CEP112: variants seen among roughly 807,000 people sequenced by gnomAD.
CEP112 encodes the protein centrosomal protein 112.
Under a neutral mutation model 153.0 loss-of-function variants are expected in CEP112, and 127 were observed. The ratio of observed to expected loss-of-function variants is 0.83; its 90% CI spans 0.72 to 0.96. The LOEUF is 0.96. Ranked by LOEUF, CEP112 falls within the 40% of genes least tolerant of loss-of-function variation. The pLI is 0.00. For missense variants in CEP112, 1,089 were observed against 1,101.2 expected (o/e 0.99, Z 0.16); for synonymous variants, 358 against 374.4 (o/e 0.96, Z 0.51).
intron 19 of CEP112, among the ~76,000 whole-genome samples, chr17:65,904,309 T>C (rs992266663): frequency 2.6e-5 from 4 of 151,962 alleles, no homozygotes; most frequent in East Asian, 1.9e-4. Flanking sequence ...ACACCAATAA[T>C]AGACAAACAG....
chr17:65,985,953 A>G (rs1344980284), intron 17 of CEP112, among the ~76,000 whole-genome samples: 1 of 152,050 alleles, frequency 6.6e-6, no homozygotes, highest in Non-Finnish European at 1.5e-5. Context: ...ACAGCAAATC[A>G]CGATAATTTA....
At chr17:65,727,077 C>A (rs563327221) in intron 23 of CEP112, among the ~76,000 whole-genome samples, 33 of 152,330 alleles carry the variant, frequency 2.2e-4, no homozygotes, top group African/African-American at 7.9e-4. Flanking sequence ...CTGCCCTCCA[C>A]AGAGGCCACA....
chr17:65,785,924 T>A lies in CEP112; in HGVS notation c.2395-35200A>T, dbSNP rs575890744. On this transcript the variant is annotated intron_variant, in intron 21 of 26. Transcript: ENST00000535342. ...CAGCACTATTTGTTGAATTTCCATA[T>A]AAATTTCAGGATCAGTGTGTCAATT... Among the ~76,000 whole-genome samples, 1,264 of 152,310 alleles carry A rather than the reference T, an allele frequency of 8.3e-3. 14 individuals carry two copies. Among genetic ancestry groups the A allele is most frequent in the South Asian group, 0.02 (97 of 4,822 alleles).
At position 65,743,124 on chromosome 17, in the gene CEP112, G is replaced by A. The variant is rs1338831450; in HGVS notation, c.2551C>T (p.Gln851Ter). The A allele has an allele frequency of 1.2e-6, 2 of 1,612,260 alleles. No homozygotes were observed. The highest frequency in any genetic ancestry group is 2.2e-5 in the East Asian group (1 of 44,846). Residue 851 changes from glutamine to a stop codon, truncating the protein, a stop_gained, in exon 23 of 27, where the codon CAA becomes TAA. Transcript: ENST00000535342. LOFTEE classifies it high-confidence loss of function. ...AAERRLQDVR[Q>*]KFEDEKKQLI... ...TGCTTCTTCTCATCTTCAAACTTTT[G>A]TCTAACATCCTGGAGCCGCCTTTCT... is the stretch of plus-strand genomic sequence containing the variant.
chr17:65,837,245 C>T (rs1216716703), intron 21 of CEP112, among the ~76,000 whole-genome samples: 3 of 152,082 alleles, frequency 2.0e-5, no homozygotes, highest in East Asian at 3.9e-4. Context: ...AAGTGAGGAG[C>T]GTCTCTGCCT....
chr17:65,862,543 G>A (rs574960002), intron 20 of CEP112, among the ~76,000 whole-genome samples: 72 of 152,220 alleles, frequency 4.7e-4, no homozygotes, highest in African/African-American at 1.6e-3. Flanking sequence ...AGCCGAGATC[G>A]TGCCACTGAC....
intron 12 of CEP112, among the ~76,000 whole-genome samples, chr17:66,053,377 G>C (rs1471935927): frequency 1.3e-5 from 2 of 151,916 alleles, no homozygotes; most frequent in Non-Finnish European, 2.9e-5. Context: ...GCGGGCACCT[G>C]TAATCCCAGC....
At chr17:65,771,778 G>A (rs2053370396) in intron 21 of CEP112, among the ~76,000 whole-genome samples, 1 of 152,140 alleles carries the variant, frequency 6.6e-6, no homozygotes, top group African/African-American at 2.4e-5. Context: ...GCTTTGGGAG[G>A]CCAAGGCAGG....
chr17:65,948,426 G>A (rs117255773), intron 18 of CEP112, among the ~76,000 whole-genome samples: 175 of 152,180 alleles, frequency 1.1e-3, no homozygotes, highest in Non-Finnish European at 1.8e-3. Flanking sequence ...GTTAGCTGAC[G>A]TTCATATTGC....
intron 23 of CEP112, among the ~76,000 whole-genome samples, chr17:65,742,171 T>C (rs888743642): frequency 6.6e-6 from 1 of 152,134 alleles, no homozygotes; most frequent in Non-Finnish European, 1.5e-5. Context: ...TTACTCAGAT[T>C]GCCTGCAACA....
intron 23 of CEP112, among the ~76,000 whole-genome samples, chr17:65,710,314 C>T (rs1248077269): frequency 1.3e-5 from 2 of 152,194 alleles, no homozygotes; most frequent in African/African-American, 2.4e-5. Flanking sequence ...CTTTATTGGA[C>T]TTCATGGCAG....
chr17:65,893,044 C>A (rs1247344467), intron 20 of CEP112, among the ~76,000 whole-genome samples: 1 of 152,032 alleles, frequency 6.6e-6, no homozygotes, highest in Non-Finnish European at 1.5e-5. Context: ...TAAAGACCTG[C>A]GACTTTCAGG....
chr17:65,860,166 T>C lies in CEP112; in HGVS notation c.2164-8132A>G, dbSNP rs1186360222. On this transcript the variant is annotated intron_variant, in intron 20 of 26. Transcript: ENST00000535342. ...ATGTTCAAAAAGCAACTGCAGTTTTTATACATCAGCAAAAAAATTATAAAC... is the reference window on the plus strand; with the variant it reads ...ATGTTCAAAAAGCAACTGCAGTTTTCATACATCAGCAAAAAAATTATAAAC... Among the ~76,000 whole-genome samples the C allele has an allele frequency of 2.0e-5, 3 of 152,108 alleles. No homozygotes were observed. In the East Asian group the frequency reaches 5.8e-4, roughly 29 times the overall value.
At chr17:65,690,941 G>A (rs540458232) in intron 23 of CEP112, among the ~76,000 whole-genome samples, 20 of 152,288 alleles carry the variant, frequency 1.3e-4, no homozygotes, top group Non-Finnish European at 2.1e-4. Flanking sequence ...TGAGGGGCAA[G>A]GCAGAGGCAG....
intron 21 of CEP112, among the ~76,000 whole-genome samples, chr17:65,783,908 T>G (rs1334692375): frequency 1.3e-5 from 2 of 152,226 alleles, no homozygotes; most frequent in African/African-American, 4.8e-5. Context: ...GTTAACAGCA[T>G]GGGCTATGAA....
intron 20 of CEP112, among the ~76,000 whole-genome samples, chr17:65,892,787 A>G (rs1279248764): frequency 6.6e-6 from 1 of 152,192 alleles, no homozygotes; most frequent in Non-Finnish European, 1.5e-5. Context: ...GTGCCTGTCA[A>G]TGTCACTATA....
intron 24 of CEP112, among the ~76,000 whole-genome samples, chr17:65,642,334 T>C (rs2045189153): frequency 6.6e-6 from 1 of 152,230 alleles, no homozygotes. Flanking sequence ...TGTGTACGAC[T>C]GAGTTGAGTT....
intron 23 of CEP112, among the ~76,000 whole-genome samples, chr17:65,737,381 A>G (rs2050864565): frequency 6.6e-6 from 1 of 152,158 alleles, no homozygotes; most frequent in Admixed American, 6.6e-5. Context: ...AGAATTTTCA[A>G]TACTATCACC....
intron 17 of CEP112, among the ~76,000 whole-genome samples, chr17:65,994,521 G>A (rs1429622184): frequency 1.3e-5 from 2 of 152,094 alleles, no homozygotes; most frequent in Admixed American, 1.3e-4. Flanking sequence ...TAGAGATGGG[G>A]TCTTGCTACA....
Sources: gnomAD v4.1 joint callset for allele counts (sites outside exome capture counted in the v4.1 genomes callset) on GRCh38, gnomAD v4.1.1 for gene constraint, MANE v1.5 for transcripts, NCBI Gene and HGNC (gene_info 2026-07-23, HGNC 2026-07-21) for gene names.